The following CELF4 variants were observed in gnomAD, a reference collection of about 807,000 sequenced individuals.
CELF4 encodes the protein CUG-BP- and ETR-3-like factor 4.
CELF4 carries 18 observed loss-of-function variants against 59.9 expected under a neutral mutation model. That is an observed-to-expected ratio of 0.30 (90% CI 0.21 to 0.45). The LOEUF is 0.45. CELF4 is among the 20% of genes least tolerant of loss of function. The probability of loss-of-function intolerance (pLI) is 1.00; values close to 1 mark genes in which losing one functional copy is unlikely to be tolerated. For synonymous variants in CELF4, 261 were observed against 267.1 expected, an observed-to-expected ratio of 0.98 and a Z score of 0.22; for missense variants, 456 against 689.0, an observed-to-expected ratio of 0.66 and a Z score of 3.79.
At chr18:37,428,034 A>G (rs1603638587) in intron 2 of CELF4, among the ~76,000 whole-genome samples, 1 of 152,182 alleles carries the variant, frequency 6.6e-6, no homozygotes, top group Non-Finnish European at 1.5e-5. Context: ...GTGTAGTTTC[A>G]CCTACCTGCA....
intron 2 of CELF4, among the ~76,000 whole-genome samples, chr18:37,439,540 G>A (rs1041568083): frequency 6.6e-6 from 1 of 152,152 alleles, no homozygotes; most frequent in Non-Finnish European, 1.5e-5. Flanking sequence ...GACACTGTGT[G>A]CCTTCTTCTC....
intron 2 of CELF4, among the ~76,000 whole-genome samples, chr18:37,459,936 T>C (rs1004755683): frequency 2.0e-5 from 3 of 152,354 alleles, no homozygotes; most frequent in African/African-American, 7.2e-5. Context: ...AATGGCATGA[T>C]GTGCAGTTTA....
chr18:37,430,976 ACCCT>A lies in CELF4; in HGVS notation c.369+54545_369+54548del, dbSNP rs1603638783. On this transcript the variant is annotated intron_variant, in intron 2 of 12. Coordinates refer to ENST00000420428, the MANE Select transcript of CELF4 (RefSeq NM_020180.4). ...CATTGCCTGCTTCTTCCCTCCCACA[ACCCT>A]GGTCTGGGGAACTTGGCCTTAGGCC... 2.6e-5 allele frequency among the ~76,000 whole-genome samples: 4 copies of A among 151,910 alleles called. No individual in the cohort carries two copies. The East Asian group carries it at 7.8e-4, about 29-fold the overall frequency.
chr18:37,549,444 G>A (rs35075844), intron 1 of CELF4, among the ~76,000 whole-genome samples: 3 of 152,168 alleles, frequency 2.0e-5, no homozygotes, highest in African/African-American at 7.2e-5. Flanking sequence ...CAGGCCTTAC[G>A]AATCTGCCTG....
chr18:37,482,410 A>C (rs960869113), intron 2 of CELF4, among the ~76,000 whole-genome samples: 2 of 152,246 alleles, frequency 1.3e-5, no homozygotes, highest in African/African-American at 4.8e-5. Flanking sequence ...GGCAGAAGGC[A>C]GTGCTCAAAA....
rs377011782 is a variant in CELF4, at chr18:37,292,895, A to G, written c.449-17652T>C. Among the ~76,000 whole-genome samples, 8 of 152,378 alleles carry G rather than the reference A, an allele frequency of 5.3e-5. No individual in the cohort carries two copies. The East Asian group carries it at 9.6e-4, about 18-fold the overall frequency. ...TATTTTATACAGTAAATTAGTCATT[A>G]GTCTAAACTGGCAGGCTGTAATAAA... is the stretch of plus-strand genomic sequence containing the variant. On this transcript the variant is annotated intron_variant, in intron 3 of 12. Coordinates refer to ENST00000420428, the MANE Select transcript of CELF4 (RefSeq NM_020180.4).
chr18:37,564,059 G>T (rs969562723), intron 1 of CELF4, among the ~76,000 whole-genome samples: 2 of 152,118 alleles, frequency 1.3e-5, no homozygotes, highest in Non-Finnish European at 2.9e-5. Context: ...TCTATGTGGG[G>T]GTGGGTGTGC....
At chr18:37,495,695 A>T (rs1285536307) in intron 1 of CELF4, among the ~76,000 whole-genome samples, 1 of 151,880 alleles carries the variant, frequency 6.6e-6, no homozygotes, top group Non-Finnish European at 1.5e-5. Flanking sequence ...GTCATTTTTC[A>T]CAGAGGGAGT....
intron 3 of CELF4, chr18:37,306,037 C>T: frequency 6.6e-6 from 1 of 152,272 alleles, no homozygotes; most frequent in East Asian, 1.9e-4. Flanking sequence ...AGGACAGGAC[C>T]CAGTGGGCTT....
chr18:37,559,785 A>G (rs1337263599), intron 1 of CELF4, among the ~76,000 whole-genome samples: 1 of 152,174 alleles, frequency 6.6e-6, no homozygotes, highest in African/African-American at 2.4e-5. Flanking sequence ...TGCTGTAATA[A>G]TGAGGAGGAA....
chr18:37,444,582 A>T (rs1366553857), intron 2 of CELF4, among the ~76,000 whole-genome samples: 4 of 149,532 alleles, frequency 2.7e-5, no homozygotes, highest in Non-Finnish European at 5.9e-5. Flanking sequence ...CTTCTCCAAG[A>T]GAAACATGCT....
At chr18:37,374,700 C>A (rs1036442687) in intron 2 of CELF4, among the ~76,000 whole-genome samples, 2 of 152,188 alleles carry the variant, frequency 1.3e-5, no homozygotes, top group Non-Finnish European at 2.9e-5. Flanking sequence ...ACCATCGTGT[C>A]CCTTCTTGCC....
chr18:37,414,553 G>A (rs1374007315), intron 2 of CELF4, among the ~76,000 whole-genome samples: 3 of 142,404 alleles, frequency 2.1e-5, no homozygotes, highest in East Asian at 2.1e-4. Context: ...CCAGGCTGGA[G>A]TGCAGTGGCG....
At chr18:37,498,914 C>A (rs1182985784) in intron 1 of CELF4, among the ~76,000 whole-genome samples, 1 of 152,152 alleles carries the variant, frequency 6.6e-6, no homozygotes, top group East Asian at 1.9e-4. Flanking sequence ...TCCTGAGTGC[C>A]CAGCAGAGCA....
chr18:37,417,075 A>T (rs1458609439), intron 2 of CELF4, among the ~76,000 whole-genome samples: 1 of 152,186 alleles, frequency 6.6e-6, no homozygotes, highest in Non-Finnish European at 1.5e-5. Flanking sequence ...AAGAAAACAG[A>T]AAAAAAGGGA....
At chr18:37,361,531 A>T (rs1433583562) in intron 2 of CELF4, among the ~76,000 whole-genome samples, 1 of 152,158 alleles carries the variant, frequency 6.6e-6, no homozygotes, top group African/African-American at 2.4e-5. Flanking sequence ...CTGAATATGC[A>T]AATCGAGAGT....
At chr18:37,501,509 T>C (rs970777187) in intron 1 of CELF4, among the ~76,000 whole-genome samples, 10 of 151,992 alleles carry the variant, frequency 6.6e-5, no homozygotes, top group African/African-American at 2.4e-4. Flanking sequence ...GGCAGGGAAA[T>C]AGAAGAAGAA....
At chr18:37,350,442 T>G (rs1369076299) in intron 2 of CELF4, among the ~76,000 whole-genome samples, 1 of 152,160 alleles carries the variant, frequency 6.6e-6, no homozygotes, top group African/African-American at 2.4e-5. Flanking sequence ...GAATGGCTGT[T>G]TACTCATCCT....
At chr18:37,445,647 A>AGGCAGAGGCCCAGGGAGG (rs2099746116) in intron 2 of CELF4, among the ~76,000 whole-genome samples, 1 of 152,030 alleles carries the variant, frequency 6.6e-6, no homozygotes, top group African/African-American at 2.4e-5. Flanking sequence ...AGATGCAGGG[A>AGGCAGAGGCCCAGGGAGG]GGCAGAGGCC....
Sources: gnomAD v4.1 joint callset for allele counts (sites outside exome capture counted in the v4.1 genomes callset) on GRCh38, gnomAD v4.1.1 for gene constraint, MANE v1.5 for transcripts, NCBI Gene and HGNC (gene_info 2026-07-23, HGNC 2026-07-21) for gene names.